The following TMEM178B variants were observed in gnomAD, a reference collection of about 807,000 sequenced individuals.
TMEM178B encodes transmembrane protein 178B.
A neutral mutation model predicts 31.0 loss-of-function variants in TMEM178B; 5 were observed. That is an observed-to-expected ratio of 0.16 (90% confidence interval 0.08 to 0.34). The LOEUF (loss-of-function observed/expected upper bound fraction) is 0.34. Among genes scored for constraint, TMEM178B ranks in the 10% least tolerant of loss-of-function variants. The pLI is 1.00. For missense variants in TMEM178B, 275 were observed against 400.3 expected (o/e 0.69, Z 2.67); for synonymous variants, 164 against 164.0 (o/e 1.00, Z 0.00).
intron 1 of TMEM178B, among the ~76,000 whole-genome samples, chr7:141,147,892 G>C (rs1478397180): frequency 6.6e-6 from 1 of 152,176 alleles, no homozygotes; most frequent in Non-Finnish European, 1.5e-5. Context: ...TAGGGATGAA[G>C]ATAAAGTTGC....
intron 1 of TMEM178B, among the ~76,000 whole-genome samples, chr7:141,178,506 C>G (rs1006151744): frequency 6.6e-6 from 1 of 152,144 alleles, no homozygotes; most frequent in Non-Finnish European, 1.5e-5. Context: ...TGTGTGGCAA[C>G]CTACACAAAG....
intron 1 of TMEM178B, among the ~76,000 whole-genome samples, chr7:141,085,511 A>T (rs968585626): frequency 7.0e-6 from 1 of 143,630 alleles, no homozygotes; most frequent in African/African-American, 2.5e-5. Flanking sequence ...AAGAAAAGGC[A>T]ATTTACTTTA....
rs111739856 is a variant in TMEM178B at position 141,469,880 on chromosome 7, C to T, written c.635-656C>T. Among the ~76,000 whole-genome samples the T allele has an allele frequency of 8.3e-3, 1,267 of 152,130 alleles. 21 individuals carry two copies. Among genetic ancestry groups the T allele is most frequent in the African/African-American group, 0.027 (1,134 of 41,416 alleles). ...GGTAGATGAGTTACCTTAATATTAA[C>T]GTGGATGATGCGTGTTCATGGGTGA... On this transcript the variant is annotated intron_variant, in intron 3 of 3. Coordinates refer to ENST00000565468, the MANE Select transcript of TMEM178B (RefSeq NM_001195278.2).
chr7:141,255,392 G>GA (rs1210856942), intron 2 of TMEM178B, among the ~76,000 whole-genome samples: 1 of 152,198 alleles, frequency 6.6e-6, no homozygotes, highest in Non-Finnish European at 1.5e-5. Flanking sequence ...GAAAAAGGCA[G>GA]AAAAGGAGTA....
intron 1 of TMEM178B, among the ~76,000 whole-genome samples, chr7:141,122,831 T>C (rs563210592): frequency 6.6e-6 from 1 of 152,372 alleles, no homozygotes; most frequent in South Asian, 2.1e-4. Context: ...TAATAGCTTG[T>C]TTGTTTGTAT....
rs1164367424 is a variant in TMEM178B at position 141,447,812 on chromosome 7, C to T, written c.634+10067C>T. Among the ~76,000 whole-genome samples, 5 of 151,992 alleles carry T rather than the reference C, an allele frequency of 3.3e-5. No homozygotes were observed. The South Asian group carries it at 6.2e-4, about 19-fold the overall frequency. ...TGTACCAGCTATACAATTTGTGGGG[C>T]CCAGTGCAGGATGAAAACCCAGGAT... On this transcript the variant is annotated intron_variant, in intron 3 of 3. Transcript: ENST00000565468.
At chr7:141,467,557 G>A (rs1350291797) in intron 3 of TMEM178B, among the ~76,000 whole-genome samples, 1 of 152,064 alleles carries the variant, frequency 6.6e-6, no homozygotes. Context: ...GATGACCACG[G>A]CAACCTCCTA....
intron 2 of TMEM178B, among the ~76,000 whole-genome samples, chr7:141,246,943 C>T (rs369427192): frequency 2.6e-5 from 4 of 152,124 alleles, no homozygotes; most frequent in South Asian, 2.1e-4. Flanking sequence ...CTAAAATAAA[C>T]GTCTGGTTAT....
In TMEM178B at chr7:141,310,457, G is replaced by A. The variant is rs574148227; in HGVS notation, c.496+97753G>A. Among the ~76,000 whole-genome samples, 3 of 152,168 alleles carry A rather than the reference G, an allele frequency of 2.0e-5. No homozygotes were observed. In the South Asian group the frequency reaches 6.2e-4, roughly 32 times the overall value. ...AAATTCCAAGATACATGTGTAGAAT[G>A]GTCAGGTTTGTTACATAGGTATACA... is the stretch of plus-strand genomic sequence containing the variant. On this transcript the variant is annotated intron_variant, in intron 2 of 3. Coordinates refer to ENST00000565468, the MANE Select transcript of TMEM178B (RefSeq NM_001195278.2).
At chr7:141,418,062 G>T (rs1414575776) in intron 2 of TMEM178B, among the ~76,000 whole-genome samples, 1 of 152,156 alleles carries the variant, frequency 6.6e-6, no homozygotes, top group Non-Finnish European at 1.5e-5. Context: ...TGACTTGGAT[G>T]AGATTCAGAG....
chr7:141,162,654 T>C (rs2129181818), intron 1 of TMEM178B, among the ~76,000 whole-genome samples: 1 of 152,338 alleles, frequency 6.6e-6, no homozygotes, highest in South Asian at 2.1e-4. Context: ...ATTTCATTAA[T>C]CAAAATAGGC....
At chr7:141,389,028 G>A (rs1199651763) in intron 2 of TMEM178B, among the ~76,000 whole-genome samples, 2 of 152,138 alleles carry the variant, frequency 1.3e-5, no homozygotes, top group Admixed American at 6.5e-5. Context: ...AAGTCCAACC[G>A]AGTCTAGTAT....
rs11766959 is a variant in TMEM178B at position 141,322,388 on chromosome 7, G to A, written c.496+109684G>A. 6.4e-3 allele frequency among the ~76,000 whole-genome samples: 966 copies of A among 151,866 alleles called. 5 individuals are homozygous for A. Among genetic ancestry groups the A allele is most frequent in the Middle Eastern group, 0.017 (5 of 294 alleles). On this transcript the variant is annotated intron_variant, in intron 2 of 3. Transcript: ENST00000565468. ...TAAAAAAAAAAAAAAAAAATTAGCC[G>A]GGCATGGTGGCATATGCCTGTAGTC...
chr7:141,313,217 A>G (rs1242182782), intron 2 of TMEM178B, among the ~76,000 whole-genome samples: 1 of 152,206 alleles, frequency 6.6e-6, no homozygotes, highest in East Asian at 1.9e-4. Context: ...GTGGGAAAGA[A>G]TGTTTGCAGT....
At chr7:141,105,448 A>G (rs948895611) in intron 1 of TMEM178B, among the ~76,000 whole-genome samples, 2 of 152,240 alleles carry the variant, frequency 1.3e-5, no homozygotes, top group African/African-American at 2.4e-5. Flanking sequence ...CGGAGGTTGC[A>G]GTGAGCTGAG....
At chr7:141,106,328 A>T (rs547592649) in intron 1 of TMEM178B, among the ~76,000 whole-genome samples, 2 of 152,220 alleles carry the variant, frequency 1.3e-5, no homozygotes, top group Non-Finnish European at 2.9e-5. Flanking sequence ...TTATTTAGGA[A>T]ATCAATTAAA....
At chr7:141,163,840 A>G (rs952044634) in intron 1 of TMEM178B, among the ~76,000 whole-genome samples, 2 of 152,174 alleles carry the variant, frequency 1.3e-5, no homozygotes, top group Non-Finnish European at 2.9e-5. Flanking sequence ...AAGCAGATTT[A>G]GTGAAGAATG....
chr7:141,329,982 G>T (rs1174220527), intron 2 of TMEM178B, among the ~76,000 whole-genome samples: 1 of 152,208 alleles, frequency 6.6e-6, no homozygotes, highest in Non-Finnish European at 1.5e-5. Context: ...AAGGCCTGTG[G>T]CCAGGAGATA....
At chr7:141,180,992 C>T (rs568280386) in intron 1 of TMEM178B, among the ~76,000 whole-genome samples, 18 of 152,238 alleles carry the variant, frequency 1.2e-4, no homozygotes, top group African/African-American at 4.3e-4. Flanking sequence ...ACCCATCCAT[C>T]CACCCATCCA....
Sources: allele counts gnomAD v4.1 joint callset (sites outside exome capture counted in the v4.1 genomes callset), GRCh38; gene constraint gnomAD v4.1.1; transcripts MANE v1.5; gene names NCBI Gene and HGNC (gene_info 2026-07-23, HGNC 2026-07-21).